DOCK4: variants seen among roughly 807,000 people sequenced by gnomAD.
DOCK4 encodes dedicator of cytokinesis 4, also known as dedicator of cytokinesis protein 4.
DOCK4 carries 97 observed loss-of-function variants against 268.1 expected under a neutral mutation model. That is an observed-to-expected ratio of 0.36 (90% CI 0.31 to 0.43). DOCK4 has a LOEUF of 0.43. Among genes scored for constraint, DOCK4 ranks in the 20% least tolerant of loss-of-function variants. The pLI, the probability that DOCK4 is intolerant of heterozygous loss-of-function variation, is 1.00. For synonymous variants in DOCK4, 954 were observed against 887.2 expected (o/e 1.08, Z -1.34); for missense variants, 2,145 against 2,455.7 (o/e 0.87, Z 2.67).
chr7:111,760,340 A>G lies in DOCK4; in HGVS notation c.4021-18T>C, dbSNP rs1410087453. ...TCCTTATTCTGGAGATGAAAGCAAA[A>G]AAGAAATTAGGGCTATATAACTGAG... On this transcript the variant is annotated intron_variant, in intron 39 of 52. Transcript: ENST00000428084. 6.2e-7 allele frequency: 1 copy of G among 1,609,576 alleles called. No homozygotes were observed. Among genetic ancestry groups the G allele is most frequent in the Non-Finnish European group, 8.5e-7 (1 of 1,177,580 alleles).
At chr7:112,011,362 C>T (rs1801284859) in intron 1 of DOCK4, among the ~76,000 whole-genome samples, 2 of 152,194 alleles carry the variant, frequency 1.3e-5, no homozygotes, top group Non-Finnish European at 2.9e-5. Flanking sequence ...AGCTTTCAAG[C>T]ACTCCCCATT....
In DOCK4 at chr7:111,728,477, G is replaced by C. The variant is rs774254788; in HGVS notation, c.5725C>G (p.Pro1909Ala). 47 of 1,612,234 alleles carry C rather than the reference G, an allele frequency of 2.9e-5. No homozygotes were observed. The highest frequency in any genetic ancestry group is 4.0e-5 in the Non-Finnish European group (47 of 1,179,370). Residue 1909 changes from proline (P) to alanine (A), a missense_variant, in exon 53 of 53, where the codon CCG becomes GCG. Transcript: ENST00000428084. ...CGCTCGTAGACGCTGTACGGGGGCG[G>C]AGTCTTGCTCTCCTTGCGCACTGGC... ...EEPVRKESKT[P>A]PPYSVYERTL...
chr7:111,800,716 C>G (rs914320997), intron 30 of DOCK4, among the ~76,000 whole-genome samples: 7 of 152,058 alleles, frequency 4.6e-5, no homozygotes, highest in Admixed American at 1.3e-4. Flanking sequence ...AACAGTGCTG[C>G]AAACAAAGCC....
chr7:112,166,617 A>G (rs1460489503), intron 1 of DOCK4, among the ~76,000 whole-genome samples: 3 of 152,096 alleles, frequency 2.0e-5, no homozygotes, highest in Non-Finnish European at 2.9e-5. Context: ...TTAAACCTCA[A>G]TTCTCTCAAG....
At chr7:111,915,713 T>TC in intron 13 of DOCK4, 66 bp downstream of exon 13, 1 of 1,552,544 alleles carries the variant, frequency 6.4e-7, no homozygotes. Flanking sequence ...TTGAAAAATT[T>TC]CTCAAACATC....
intron 1 of DOCK4, among the ~76,000 whole-genome samples, chr7:112,066,448 C>G (rs1390748569): frequency 6.6e-6 from 1 of 150,816 alleles, no homozygotes; most frequent in Admixed American, 6.6e-5. Context: ...ATTGCATAAG[C>G]CAATTGCCCT....
intron 7 of DOCK4, among the ~76,000 whole-genome samples, chr7:111,980,421 T>C (rs1298546955): frequency 1.3e-5 from 2 of 152,242 alleles, no homozygotes; most frequent in Non-Finnish European, 2.9e-5. Flanking sequence ...AATGCACCTA[T>C]CAGTTACTCT....
At position 111,940,250 on chromosome 7, in the gene DOCK4, A is replaced by G. The variant is rs779497110; in HGVS notation, c.845-8T>C. On this transcript the variant is annotated splice_polypyrimidine_tract_variant and splice_region_variant and intron_variant, in intron 10 of 52. Coordinates refer to ENST00000428084, the MANE Select transcript of DOCK4 (RefSeq NM_001363540.2). ...CTCCTGCTCCCATTCGACCTGTTCA[A>G]TTAAAGAGCAATCATTAACCCATGG... 5 of 1,613,912 alleles carry G rather than the reference A, an allele frequency of 3.1e-6. No individual in the cohort carries two copies. The highest frequency in any genetic ancestry group is 4.5e-5 in the East Asian group (2 of 44,900).
At chr7:111,756,984 G>A (rs1053019391) in intron 41 of DOCK4, among the ~76,000 whole-genome samples, 1 of 152,094 alleles carries the variant, frequency 6.6e-6, no homozygotes, top group Non-Finnish European at 1.5e-5. Flanking sequence ...GTTCTCAGAG[G>A]GGGTGACGCG....
intron 1 of DOCK4, among the ~76,000 whole-genome samples, chr7:112,161,815 C>T (rs776155184): frequency 2.0e-5 from 3 of 152,068 alleles, no homozygotes; most frequent in Non-Finnish European, 2.9e-5. Flanking sequence ...ACTGGAGAAC[C>T]TTTATGCCAA....
intron 29 of DOCK4, 98 bp from the exon 30 acceptor site, chr7:111,808,977 G>T: frequency 7.3e-7 from 1 of 1,372,458 alleles, no homozygotes; most frequent in Non-Finnish European, 1.0e-6. Context: ...GAATTACAAG[G>T]CAAGGAGTTT....
At chr7:111,737,523 G>A (rs1232656661) in intron 49 of DOCK4, among the ~76,000 whole-genome samples, 1 of 151,964 alleles carries the variant, frequency 6.6e-6, no homozygotes, top group Non-Finnish European at 1.5e-5. Context: ...AATCACTAGT[G>A]AGTGAAATTT....
chr7:112,134,446 A>G (rs182763524), intron 1 of DOCK4, among the ~76,000 whole-genome samples: 134 of 152,340 alleles, frequency 8.8e-4, no homozygotes, highest in East Asian at 5.6e-3. Context: ...ATGGCTGGGC[A>G]CGGTGGCTCA....
chr7:111,732,611 G>C (rs1431572445), intron 51 of DOCK4: 1 of 295,774 alleles, frequency 3.4e-6, no homozygotes, highest in Non-Finnish European at 6.4e-6. Flanking sequence ...TGCTTGATCT[G>C]TCTCATAAGG....
chr7:111,798,463 A>T (rs1800052422), intron 30 of DOCK4, among the ~76,000 whole-genome samples: 1 of 152,264 alleles, frequency 6.6e-6, no homozygotes, highest in African/African-American at 2.4e-5. Flanking sequence ...GGAGTGTCTC[A>T]GAAGAAACTC....
At chr7:111,766,348 T>G (rs2133643586) in intron 38 of DOCK4, among the ~76,000 whole-genome samples, 2 of 152,288 alleles carry the variant, frequency 1.3e-5, no homozygotes, top group Middle Eastern at 3.4e-3. Flanking sequence ...ACTCTTTTTT[T>G]TAATGTATAA....
At chr7:111,798,995 G>A (rs1392201944) in intron 30 of DOCK4, among the ~76,000 whole-genome samples, 2 of 152,222 alleles carry the variant, frequency 1.3e-5, no homozygotes, top group African/African-American at 4.8e-5. Flanking sequence ...AAAGAAACAA[G>A]TGAGGTAGCC....
At chr7:112,177,761 T>C (rs1174156040) in intron 1 of DOCK4, among the ~76,000 whole-genome samples, 1 of 152,090 alleles carries the variant, frequency 6.6e-6, no homozygotes, top group Non-Finnish European at 1.5e-5. Flanking sequence ...AAATAAGCCC[T>C]TTTATAAGGT....
Position 111,945,699 on chromosome 7 carries a change from G to A in DOCK4, c.783+18C>T. The A allele has an allele frequency of 6.3e-7, 1 of 1,577,166 alleles. No homozygotes were observed. The highest frequency in any genetic ancestry group is 8.6e-7 in the Non-Finnish European group (1 of 1,159,192). ...AACTGGATGAATCTGCCTTATGAAT[G>A]AAACAAGATCCACTCACCACAAAGA... On this transcript the variant is annotated intron_variant, in intron 9 of 52. Coordinates refer to ENST00000428084, the MANE Select transcript of DOCK4 (RefSeq NM_001363540.2).
Sources: allele counts gnomAD v4.1 joint callset (sites outside exome capture counted in the v4.1 genomes callset), GRCh38; gene constraint gnomAD v4.1.1; transcripts MANE v1.5; gene names NCBI Gene and HGNC (gene_info 2026-07-23, HGNC 2026-07-21).